Variants in GREM2 observed in about 807,000 individuals in gnomAD.
The protein encoded by GREM2 is gremlin 2, DAN family BMP antagonist.
Under a neutral mutation model 14.2 loss-of-function variants are expected in GREM2, and 11 were observed. The observed-to-expected ratio is 0.78, with a 90% CI of 0.49 to 1.28. The LOEUF is 1.28. Among genes scored for constraint, GREM2 ranks in the 50% most tolerant of loss-of-function variants. GREM2 has a pLI of 0.00. For synonymous variants in GREM2, 98 were observed against 97.6 expected (o/e 1.00, Z -0.02); for missense variants, 210 against 218.5 (o/e 0.96, Z 0.24).
At chr1:240,500,786 A>G (rs112711039) in intron 1 of GREM2, among the ~76,000 whole-genome samples, 1 of 152,074 alleles carries the variant, frequency 6.6e-6, no homozygotes, top group Admixed American at 6.5e-5. Flanking sequence ...CCAGTTTTTC[A>G]CTATTGCCAA....
At chr1:240,578,923 G>A (rs1679425194) in intron 1 of GREM2, among the ~76,000 whole-genome samples, 1 of 152,188 alleles carries the variant, frequency 6.6e-6, no homozygotes, top group South Asian at 2.1e-4. Context: ...CTGCAGGTGG[G>A]TCAGTGAATC....
chr1:240,506,646 C>T (rs1031532683), intron 1 of GREM2, among the ~76,000 whole-genome samples: 1 of 152,188 alleles, frequency 6.6e-6, no homozygotes, highest in African/African-American at 2.4e-5. Context: ...AAAGCATTCT[C>T]CATTTATGAG....
At chr1:240,588,133 A>G (rs371899929) in intron 1 of GREM2, among the ~76,000 whole-genome samples, 3 of 152,298 alleles carry the variant, frequency 2.0e-5, no homozygotes, top group Admixed American at 1.3e-4. Flanking sequence ...GTTACCTCCC[A>G]GAAGGGACGA....
chr1:240,610,908 C>T (rs1680119534), intron 1 of GREM2, among the ~76,000 whole-genome samples: 2 of 152,190 alleles, frequency 1.3e-5, no homozygotes, highest in African/African-American at 2.4e-5. Flanking sequence ...TGACTTCTTG[C>T]AGTCCCCTCT....
intron 1 of GREM2, among the ~76,000 whole-genome samples, chr1:240,580,735 A>G (rs1325837647): frequency 6.6e-6 from 1 of 151,912 alleles, no homozygotes; most frequent in East Asian, 1.9e-4. Flanking sequence ...ACCACACCCA[A>G]TTATATTTTA....
chr1:240,590,232 A>G (rs1042491536), intron 1 of GREM2, among the ~76,000 whole-genome samples: 5 of 152,186 alleles, frequency 3.3e-5, no homozygotes. Flanking sequence ...AATAACATTC[A>G]CATACACTAA....
At chr1:240,538,333 C>T (rs974214661) in intron 1 of GREM2, among the ~76,000 whole-genome samples, 1 of 152,138 alleles carries the variant, frequency 6.6e-6, no homozygotes, top group Non-Finnish European at 1.5e-5. Context: ...CTTTCAGTAA[C>T]CTGGGAAAAG....
chr1:240,530,533 G>C (rs572518003), intron 1 of GREM2: 45 of 152,254 alleles, frequency 3.0e-4, no homozygotes, highest in African/African-American at 9.9e-4. Context: ...ATCACATGTG[G>C]CTTCCATGAA....
At chr1:240,564,368 T>C (rs1679134297) in intron 1 of GREM2, among the ~76,000 whole-genome samples, 1 of 151,506 alleles carries the variant, frequency 6.6e-6, no homozygotes, top group South Asian at 2.1e-4. Context: ...ATTAGCCAGG[T>C]GCAGTCACAT....
chr1:240,571,786 T>C (rs1276473876), intron 1 of GREM2, among the ~76,000 whole-genome samples: 3 of 152,194 alleles, frequency 2.0e-5, no homozygotes, highest in Admixed American at 2.0e-4. Flanking sequence ...TGATAAACTT[T>C]TCAGGGGTGC....
chr1:240,584,762 A>G (rs1182695207), intron 1 of GREM2, among the ~76,000 whole-genome samples: 1 of 152,128 alleles, frequency 6.6e-6, no homozygotes, highest in African/African-American at 2.4e-5. Flanking sequence ...CATAGCATTT[A>G]CATTGTATTA....
chr1:240,591,043 GT>G (rs1679703792), intron 1 of GREM2, among the ~76,000 whole-genome samples: 1 of 151,830 alleles, frequency 6.6e-6, no homozygotes, highest in African/African-American at 2.4e-5. Context: ...GCCTCCCGAA[GT>G]GCTGGGATTA....
chr1:240,561,869 G>C (rs928408587), intron 1 of GREM2, among the ~76,000 whole-genome samples: 1 of 152,242 alleles, frequency 6.6e-6, no homozygotes, highest in East Asian at 1.9e-4. Flanking sequence ...CTGATACTTA[G>C]AATAAGAAGC....
At chr1:240,522,120 C>CAAAAAAAAAA (rs34438696) in intron 1 of GREM2, among the ~76,000 whole-genome samples, 1 of 70,884 alleles carries the variant, frequency 1.4e-5, no homozygotes, top group Non-Finnish European at 3.0e-5. Context: ...ACCCTGTCTC[C>CAAAAAAAAAA]AAAAAAAAAA....
At chr1:240,591,532 C>T (rs1024518566) in intron 1 of GREM2, among the ~76,000 whole-genome samples, 2 of 152,164 alleles carry the variant, frequency 1.3e-5, no homozygotes, top group South Asian at 2.1e-4. Flanking sequence ...TCGACGCTCA[C>T]GTTTTGGCGG....
At chr1:240,586,261 T>C (rs975555619) in intron 1 of GREM2, among the ~76,000 whole-genome samples, 1 of 152,216 alleles carries the variant, frequency 6.6e-6, no homozygotes, top group African/African-American at 2.4e-5. Context: ...TTAATACTTG[T>C]AAAGCTCCCT....
At chr1:240,576,981 A>C (rs1009467314) in intron 1 of GREM2, among the ~76,000 whole-genome samples, 2 of 152,204 alleles carry the variant, frequency 1.3e-5, no homozygotes, top group Non-Finnish European at 2.9e-5. Flanking sequence ...CAAGTGCTAC[A>C]TGGTGTTTCT....
intron 1 of GREM2, among the ~76,000 whole-genome samples, chr1:240,499,063 C>A (rs529915096): frequency 1.3e-5 from 2 of 152,308 alleles, no homozygotes; most frequent in African/African-American, 4.8e-5. Context: ...AGTATTTAGG[C>A]AGCTAAGGAA....
intron 1 of GREM2, among the ~76,000 whole-genome samples, chr1:240,536,002 T>C (rs1396367698): frequency 6.6e-6 from 1 of 151,946 alleles, no homozygotes; most frequent in Admixed American, 6.6e-5. Context: ...TGGGAACACG[T>C]AGGACCTGAC....
Sources: gnomAD v4.1 joint callset for allele counts (sites outside exome capture counted in the v4.1 genomes callset) on GRCh38, gnomAD v4.1.1 for gene constraint, MANE v1.5 for transcripts, NCBI Gene and HGNC (gene_info 2026-07-23, HGNC 2026-07-21) for gene names.